The following PRKG1 variants were observed in gnomAD, a reference collection of about 807,000 sequenced individuals.
PRKG1 encodes the protein cGMP-dependent protein kinase 1.
A neutral mutation model predicts 88.1 loss-of-function variants in PRKG1; 35 were observed. That is an observed-to-expected ratio of 0.40 (90% CI 0.30 to 0.53). The LOEUF is 0.53. Among genes scored for constraint, PRKG1 ranks in the 20% least tolerant of loss-of-function variants. PRKG1 has a pLI of 0.59. For missense variants in PRKG1, 540 were observed against 839.8 expected, an observed-to-expected ratio of 0.64 and a Z score of 4.41; for synonymous variants, 303 against 292.5, an observed-to-expected ratio of 1.04 and a Z score of -0.37.
intron 7 of PRKG1, chr10:52,128,005 G>C: frequency 7.2e-6 from 7 of 969,912 alleles, no homozygotes; most frequent in Non-Finnish European, 8.6e-6. Context: ...TTCATTTTTT[G>C]TGGTTCTTTG....
intron 1 of PRKG1, among the ~76,000 whole-genome samples, chr10:51,095,356 C>T (rs941012196): frequency 1.3e-5 from 2 of 152,130 alleles, no homozygotes; most frequent in Non-Finnish European, 2.9e-5. Context: ...AACGGTTTGG[C>T]TCTCCGTGTT....
Position 52,166,841 on chromosome 10 carries a change from ATATATATGTC to A in PRKG1, c.1076+4886_1076+4895del, listed in dbSNP as rs1350679981. Among the ~76,000 whole-genome samples, 642 of 111,688 alleles carry A rather than the reference ATATATATGTC, an allele frequency of 5.7e-3. 31 individuals carry two copies. The highest frequency in any genetic ancestry group is 0.032 in the East Asian group (131 of 4,138). 73.3% of individuals were successfully genotyped at this position (111,688 alleles called of 152,430 possible). The stretch of plus-strand genomic sequence containing the variant: ...TATGTATATATATGTATATATATGT[ATATATATGTC>A]TATATATATATCTGTATATGTGTAT... On this transcript the variant is annotated intron_variant, in intron 9 of 17. Coordinates refer to ENST00000373980, the MANE Select transcript of PRKG1 (RefSeq NM_006258.4).
chr10:52,000,907 C>T (rs765668434), intron 5 of PRKG1, among the ~76,000 whole-genome samples: 1 of 151,976 alleles, frequency 6.6e-6, no homozygotes, highest in African/African-American at 2.4e-5. Context: ...AGCTTAAAAG[C>T]CATCACAAGA....
intron 3 of PRKG1, among the ~76,000 whole-genome samples, chr10:51,779,086 G>C (rs753382064): frequency 1.3e-5 from 2 of 152,116 alleles, no homozygotes; most frequent in Non-Finnish European, 2.9e-5. Context: ...GTTTTAACCA[G>C]ATAGTCCAGT....
chr10:51,616,155 G>T (rs561116580), intron 3 of PRKG1, among the ~76,000 whole-genome samples: 2 of 152,324 alleles, frequency 1.3e-5, no homozygotes, highest in African/African-American at 4.8e-5. Flanking sequence ...TTTTGCGGGG[G>T]ACTTGAATGC....
chr10:50,991,193 G>T lies in PRKG1; in HGVS notation c.-186G>T. On this transcript the variant is annotated 5_prime_UTR_variant, in exon 1 of 18. Coordinates refer to the PRKG1 transcript ENST00000401604. This position sits in a 1 kb window ranked among gnomAD's most constrained non-coding sequence, Gnocchi z 4.5. ...CTCGGTGCTTTTAGTCCATTCAGCA[G>T]AAGCGGATCGAAGCAGGAGGCTCCC... 1 of 777,972 alleles carries T rather than the reference G, an allele frequency of 1.3e-6. No homozygotes were observed. The allele number at this position is 777,972 out of a possible 1,614,324, so 48.2% of individuals were successfully genotyped here.
At chr10:51,050,962 T>C (rs763304487) in intron 1 of PRKG1, among the ~76,000 whole-genome samples, 15 of 152,184 alleles carry the variant, frequency 9.9e-5, no homozygotes, top group Non-Finnish European at 2.1e-4. Context: ...TGAAGAAATG[T>C]CTCTTCAAGT....
intron 3 of PRKG1, among the ~76,000 whole-genome samples, chr10:51,711,514 TAA>T (rs1232722201): frequency 6.6e-6 from 1 of 152,244 alleles, no homozygotes; most frequent in African/African-American, 2.4e-5. Context: ...ACTGAAAATA[TAA>T]GTGTGTATGC....
intron 2 of PRKG1, among the ~76,000 whole-genome samples, chr10:51,207,189 A>G (rs1349932301): frequency 2.0e-5 from 3 of 152,204 alleles, no homozygotes; most frequent in African/African-American, 7.2e-5. Context: ...GTTCTACATC[A>G]TTAATATCTG....
At chr10:52,203,320 G>T (rs1489179192) in intron 9 of PRKG1, among the ~76,000 whole-genome samples, 2 of 151,964 alleles carry the variant, frequency 1.3e-5, no homozygotes, top group African/African-American at 2.4e-5. Context: ...GTAATTGTAT[G>T]GTTTTAAGTG....
intron 2 of PRKG1, among the ~76,000 whole-genome samples, chr10:51,217,198 G>A (rs1207728576): frequency 4.6e-5 from 7 of 152,224 alleles, no homozygotes; most frequent in Admixed American, 4.6e-4. Flanking sequence ...AATCAGAGAT[G>A]TGTGACCTTC....
Position 52,251,659 on chromosome 10 carries a change from T to C in PRKG1, c.1166T>C (p.Val389Ala), listed in dbSNP as rs572399173. 4.3e-6 allele frequency: 7 copies of C among 1,610,788 alleles called. No individual in the cohort carries two copies. The highest frequency in any genetic ancestry group is 5.9e-6 in the Non-Finnish European group (7 of 1,177,158). ...DTLGVGGFGR[V>A]ELVQLKSEES... ...CTTGGAGTTGGAGGTTTCGGACGAG[T>C]AGAACTGGTAGGTGATTGTTCTTTA... Residue 389 changes from valine to alanine, a missense_variant, in exon 10 of 18, where the codon GTA (valine) becomes GCA (alanine). Coordinates refer to ENST00000373980, the MANE Select transcript of PRKG1 (RefSeq NM_006258.4).
rs144406296 is a variant in PRKG1 at position 51,635,063 on chromosome 10, A to G, written c.592+167227A>G. Among the ~76,000 whole-genome samples the G allele has an allele frequency of 2.1e-4, 32 of 152,276 alleles. No homozygotes were observed. The East Asian group carries it at 6.0e-3, about 28-fold the overall frequency. On this transcript the variant is annotated intron_variant, in intron 3 of 17. Transcript: ENST00000373980. ...TGACATGTAATTTATGTATAAAAAC[A>G]ACCTGTGCACATACCCCTGAAACTG...
chr10:51,317,496 G>C (rs370007912), intron 2 of PRKG1, among the ~76,000 whole-genome samples: 10 of 152,182 alleles, frequency 6.6e-5, no homozygotes, highest in African/African-American at 2.2e-4. Context: ...CTCCTTATGT[G>C]TAAATGACAT....
At chr10:51,031,298 G>A (rs1429371836) in intron 1 of PRKG1, among the ~76,000 whole-genome samples, 1 of 152,100 alleles carries the variant, frequency 6.6e-6, no homozygotes, top group Non-Finnish European at 1.5e-5. Context: ...AGTAGGTCAA[G>A]CTGTAACTCT....
At chr10:51,738,010 C>T (rs924901575) in intron 3 of PRKG1, among the ~76,000 whole-genome samples, 1 of 151,884 alleles carries the variant, frequency 6.6e-6, no homozygotes, top group East Asian at 1.9e-4. Context: ...GAACTCCTGA[C>T]GCCCACCTCC....
At chr10:51,378,819 G>A (rs374142791) in intron 2 of PRKG1, among the ~76,000 whole-genome samples, 1 of 152,066 alleles carries the variant, frequency 6.6e-6, no homozygotes, top group Non-Finnish European at 1.5e-5. Context: ...TTATATGAAA[G>A]AATTCATATT....
At chr10:51,728,779 C>A (rs1458740412) in intron 3 of PRKG1, among the ~76,000 whole-genome samples, 1 of 152,068 alleles carries the variant, frequency 6.6e-6, no homozygotes, top group Admixed American at 6.6e-5. Flanking sequence ...GTGCAGGTAT[C>A]AAATATTGAT....
At position 52,008,936 on chromosome 10, in the gene PRKG1, A is replaced by C. The variant is rs563833096; in HGVS notation, c.763-45548A>C. 2.0e-5 allele frequency among the ~76,000 whole-genome samples: 3 copies of C among 152,284 alleles called. No homozygotes were observed. In the South Asian group the frequency reaches 6.2e-4, roughly 32 times the overall value. On this transcript the variant is annotated intron_variant, in intron 5 of 17. Coordinates refer to ENST00000373980, the MANE Select transcript of PRKG1 (RefSeq NM_006258.4). ...AACAGAACTAAAAAAACACATATTT[A>C]TCTCAATAAATGTAGAAAAGGCTTT...
Sources: gnomAD v4.1 joint callset for allele counts (sites outside exome capture counted in the v4.1 genomes callset) on GRCh38, gnomAD v4.1.1 for gene constraint, Gnocchi (gnomAD v3.1) non-coding constraint, MANE v1.5 for transcripts, NCBI Gene and HGNC (gene_info 2026-07-23, HGNC 2026-07-21) for gene names.